Variants in CIP2A observed in about 807,000 individuals in gnomAD.
CIP2A encodes protein CIP2A.
CIP2A carries 103 observed loss-of-function variants against 110.9 expected under a neutral mutation model. That is an observed-to-expected ratio of 0.93 (90% CI 0.79 to 1.09). The LOEUF is 1.09. Ranked by LOEUF, CIP2A falls within the 50% of genes least tolerant of loss-of-function variation. The probability of loss-of-function intolerance (pLI) is 0.00; values close to 1 mark genes in which losing one functional copy is unlikely to be tolerated. For missense variants in CIP2A, 1,088 were observed against 1,038.4 expected, an observed-to-expected ratio of 1.05 and a Z score of -0.66; for synonymous variants, 381 against 361.6, an observed-to-expected ratio of 1.05 and a Z score of -0.61.
chr3:108,568,164 C>T lies in CIP2A; in HGVS notation c.1264G>A (p.Val422Ile), dbSNP rs561488829. The change falls in exon 10 of 21, where the codon GTT becomes ATT. Residue 422 changes from valine to isoleucine, a missense_variant. By Grantham distance (29) the Val-to-Ile change is conservative. Coordinates refer to ENST00000295746, the MANE Select transcript of CIP2A (RefSeq NM_020890.3). ...TGACAGTAAAGGATATTTAACAAAA[C>T]TTCAATGGCCTTGGCAATCCTTTCA... ...KCERIAKAIEVLLTLCGDDTL... is the reference protein window; with the variant it reads ...KCERIAKAIEILLTLCGDDTL... The T allele has an allele frequency of 3.1e-6, 5 of 1,611,398 alleles. No homozygotes were observed. The highest frequency in any genetic ancestry group is 1.7e-5 in the Admixed American group (1 of 59,816).
Position 108,581,260 on chromosome 3 carries a change from T to C in CIP2A, c.549+155A>G, listed in dbSNP as rs549769032. Among the ~76,000 whole-genome samples, 5 of 152,348 alleles carry C rather than the reference T, an allele frequency of 3.3e-5. No individual in the cohort carries two copies. In the South Asian group the frequency reaches 8.3e-4, roughly 25 times the overall value. On this transcript the variant is annotated intron_variant, in intron 5 of 20. Transcript: ENST00000295746. ...CGAAGGCTGAAGTGCTTCAAGTTAT[T>C]TGTATGTCAATCTGACTCTTAATTT...
chr3:108,579,266 T>G lies in CIP2A; in HGVS notation c.818+15A>C. ...AAAATAAAAAAGTTCTAAAATTGACTGAAGTGAGTCATACCTGGTGAGATA... is the reference window on the plus strand; with the variant it reads ...AAAATAAAAAAGTTCTAAAATTGACGGAAGTGAGTCATACCTGGTGAGATA... On this transcript the variant is annotated intron_variant, in intron 7 of 20. Coordinates refer to ENST00000295746, the MANE Select transcript of CIP2A (RefSeq NM_020890.3). 6.3e-7 allele frequency: 1 copy of G among 1,585,548 alleles called. No homozygotes were observed. The highest frequency in any genetic ancestry group is 8.6e-7 in the Non-Finnish European group (1 of 1,164,132).
intron 8 of CIP2A, among the ~76,000 whole-genome samples, chr3:108,575,864 A>G (rs201497574): frequency 0.03 from 1,889 of 62,152 alleles, 791 homozygotes; most frequent in East Asian, 0.12. Context: ...GTGTATATAC[A>G]CGTATATATA....
intron 12 of CIP2A, among the ~76,000 whole-genome samples, chr3:108,563,824 A>G (rs938405370): frequency 2.0e-5 from 3 of 151,992 alleles, no homozygotes; most frequent in Non-Finnish European, 4.4e-5. Context: ...GAATATTTAC[A>G]TGTACTTACT....
At chr3:108,553,837 G>A (rs1432150923) in intron 18 of CIP2A, 107 bp from the exon 19 acceptor site, 1 of 563,776 alleles carries the variant, frequency 1.8e-6, no homozygotes, top group Non-Finnish European at 2.7e-6. Context: ...CAGATCACAA[G>A]GTCAGGAGAT....
At chr3:108,583,161 A>G in intron 2 of CIP2A, 78 bp from the exon 3 acceptor site, 1 of 666,140 alleles carries the variant, frequency 1.5e-6, no homozygotes, top group Non-Finnish European at 2.3e-6. Context: ...AATTTATTTC[A>G]TATGAATTTA....
intron 1 of CIP2A, 127 bp from the exon 2 acceptor site, chr3:108,585,339 T>C: frequency 1.2e-6 from 1 of 833,554 alleles, no homozygotes; most frequent in Non-Finnish European, 1.8e-6. Context: ...AATTCACACA[T>C]GCTGTGAAAA....
chr3:108,578,377 A>G (rs1431411588), intron 7 of CIP2A, among the ~76,000 whole-genome samples: 1 of 152,196 alleles, frequency 6.6e-6, no homozygotes, highest in Non-Finnish European at 1.5e-5. Flanking sequence ...GAAAAAGCTC[A>G]CCTATCTAGA....
intron 20 of CIP2A, 42 bp from the exon 21 acceptor site, chr3:108,551,361 A>C: frequency 6.8e-7 from 1 of 1,465,668 alleles, no homozygotes; most frequent in South Asian, 1.3e-5. Flanking sequence ...ATTGAGAAGA[A>C]AAATAACTTT....
intron 1 of CIP2A, among the ~76,000 whole-genome samples, chr3:108,588,152 T>C (rs2107380313): frequency 6.6e-6 from 1 of 152,260 alleles, no homozygotes; most frequent in South Asian, 2.1e-4. Context: ...AATGCTTAAC[T>C]CCCGATTTTT....
Position 108,549,974 on chromosome 3 carries a change from T to C in CIP2A, c.*1175A>G, listed in dbSNP as rs2083875262. On this transcript the variant is annotated 3_prime_UTR_variant, in exon 21 of 21. Coordinates refer to ENST00000295746, the MANE Select transcript of CIP2A (RefSeq NM_020890.3). The stretch of plus-strand genomic sequence containing the variant: ...AAAGAGAAACAGAATGTATCTCCTC[T>C]ATAGAACAAATAGTAATTTAAAATG... The C allele has an allele frequency of 6.6e-6, 1 of 152,022 alleles. No individual in the cohort carries two copies. The highest frequency in any genetic ancestry group is 2.4e-5 in the African/African-American group (1 of 41,446). 9.4% of individuals were successfully genotyped at this position (152,022 alleles called of 1,614,324 possible). A position where few individuals can be genotyped will look rare whatever the true frequency, so the allele number is the denominator to read the frequency against.
intron 1 of CIP2A, chr3:108,585,904 A>G: frequency 2.6e-6 from 1 of 387,122 alleles, no homozygotes; most frequent in South Asian, 1.9e-5. Context: ...AGACACATAC[A>G]TACACACACA....
intron 17 of CIP2A, 107 bp from the exon 18 acceptor site, chr3:108,554,596 T>C (rs374939784): frequency 1.8e-6 from 1 of 559,288 alleles, no homozygotes; most frequent in South Asian, 2.5e-5. Context: ...AAATTGCATA[T>C]GCTGGAAGAG....
chr3:108,564,935 C>A (rs546426233), intron 12 of CIP2A, among the ~76,000 whole-genome samples: 2 of 151,902 alleles, frequency 1.3e-5, no homozygotes, highest in East Asian at 3.9e-4. Flanking sequence ...TTCTGCACAG[C>A]CCTTCTAATT....
At chr3:108,553,623 A>G (rs762304054) in intron 19 of CIP2A, 25 bp downstream of exon 19, 2 of 1,535,420 alleles carry the variant, frequency 1.3e-6, no homozygotes, top group South Asian at 1.2e-5. Context: ...AAAATAGAAA[A>G]TGTATTAAAT....
At position 108,559,774 on chromosome 3, in the gene CIP2A, T is replaced by A. The variant is rs1434809204; in HGVS notation, c.1996A>T (p.Thr666Ser). The change falls in exon 16 of 21, where the codon ACT becomes TCT. Residue 666 changes from threonine (T) to serine (S), a missense_variant. Physicochemically the swap from Thr to Ser is moderately conservative, Grantham distance 58. Coordinates refer to ENST00000295746, the MANE Select transcript of CIP2A (RefSeq NM_020890.3). ...RLIAQHRCQRTQAETEARTLA... is the reference protein window; with the variant it reads ...RLIAQHRCQRSQAETEARTLA... ...CTACACACCTCTGTTTCAGCTTGAG[T>A]TCTTTGACAGCGATGCTGAGCAATC... 11 of 1,582,314 alleles carry A rather than the reference T, an allele frequency of 7.0e-6. No individual in the cohort carries two copies. The highest frequency in any genetic ancestry group is 9.5e-6 in the Non-Finnish European group (11 of 1,157,724).
At chr3:108,554,559 G>A in intron 17 of CIP2A, 70 bp from the exon 18 acceptor site, 1 of 678,732 alleles carries the variant, frequency 1.5e-6, no homozygotes. Context: ...GAAGCTCACA[G>A]TGTTTTCTTT....
At chr3:108,566,266 A>G (rs2107331194) in intron 11 of CIP2A, among the ~76,000 whole-genome samples, 1 of 151,936 alleles carries the variant, frequency 6.6e-6, no homozygotes, top group East Asian at 1.9e-4. Flanking sequence ...AGTTAAAACA[A>G]GACAAAACAA....
At chr3:108,560,906 G>T in intron 13 of CIP2A, 65 bp from the exon 14 acceptor site, 2 of 1,120,452 alleles carry the variant, frequency 1.8e-6, no homozygotes, top group Non-Finnish European at 2.5e-6. Flanking sequence ...CAGACTTAGT[G>T]CAGAATTAGG....
Sources: gnomAD v4.1 joint callset for allele counts (sites outside exome capture counted in the v4.1 genomes callset) on GRCh38, gnomAD v4.1.1 for gene constraint, MANE v1.5 for transcripts, NCBI Gene and HGNC (gene_info 2026-07-23, HGNC 2026-07-21) for gene names.